Variants in NCAM2 observed in about 807,000 individuals in gnomAD.
The protein encoded by NCAM2 is N-CAM-2.
In NCAM2, 30 loss-of-function variants were observed where a neutral mutation model predicts 98.1. The observed-to-expected ratio is 0.31, with a 90% confidence interval of 0.23 to 0.41. The LOEUF (loss-of-function observed/expected upper bound fraction) is 0.41. NCAM2 is among the 10% of genes least tolerant of loss of function. The pLI is 1.00. For missense variants in NCAM2, 867 were observed against 1,005.8 expected, an observed-to-expected ratio of 0.86 and a Z score of 1.87; for synonymous variants, 368 against 342.4, an observed-to-expected ratio of 1.07 and a Z score of -0.83.
At chr21:21,158,482 G>C (rs527313077) in intron 1 of NCAM2, among the ~76,000 whole-genome samples, 2 of 151,940 alleles carry the variant, frequency 1.3e-5, no homozygotes, top group South Asian at 2.1e-4. Context: ...GTTGTGGCAC[G>C]TGCCTGTAGT....
At chr21:21,110,776 T>G (rs1270403879) in intron 1 of NCAM2, among the ~76,000 whole-genome samples, 1 of 152,004 alleles carries the variant, frequency 6.6e-6, no homozygotes, top group Admixed American at 6.5e-5. Flanking sequence ...GATATGTGAC[T>G]GAATTGGTTC....
At chr21:21,207,147 G>T (rs1159778055) in intron 1 of NCAM2, among the ~76,000 whole-genome samples, 2 of 152,110 alleles carry the variant, frequency 1.3e-5, no homozygotes, top group Non-Finnish European at 2.9e-5. Flanking sequence ...CAGTTATGTA[G>T]TCATAATTGT....
intron 9 of NCAM2, among the ~76,000 whole-genome samples, chr21:21,408,087 A>G (rs920964927): frequency 6.6e-6 from 1 of 152,192 alleles, no homozygotes; most frequent in Non-Finnish European, 1.5e-5. Flanking sequence ...CTGACCCCCA[A>G]ATGGACATCA....
intron 1 of NCAM2, among the ~76,000 whole-genome samples, chr21:21,068,458 A>ATTTT (rs566218063): frequency 3.3e-4 from 37 of 112,484 alleles, no homozygotes; most frequent in African/African-American, 1.2e-3. Context: ...ATGGTATTGC[A>ATTTT]TTTTTTTTTT....
intron 1 of NCAM2, among the ~76,000 whole-genome samples, chr21:21,267,445 T>G (rs2072326161): frequency 6.6e-6 from 1 of 152,188 alleles, no homozygotes; most frequent in African/African-American, 2.4e-5. Context: ...TTCTACAGCT[T>G]GTTGTACAAC....
intron 1 of NCAM2, among the ~76,000 whole-genome samples, chr21:21,157,730 T>G (rs2067658925): frequency 6.6e-6 from 1 of 152,168 alleles, no homozygotes; most frequent in African/African-American, 2.4e-5. Flanking sequence ...ACAGACATTT[T>G]TACTACACAG....
chr21:21,218,804 G>T (rs1412193739), intron 1 of NCAM2, among the ~76,000 whole-genome samples: 2 of 152,220 alleles, frequency 1.3e-5, no homozygotes, highest in African/African-American at 4.8e-5. Flanking sequence ...AGCACTTTGG[G>T]AGACCGAGGT....
intron 16 of NCAM2, among the ~76,000 whole-genome samples, chr21:21,531,447 C>T (rs1989688454): frequency 1.4e-5 from 2 of 144,888 alleles, no homozygotes; most frequent in African/African-American, 5.2e-5. Flanking sequence ...TAGTTTGGCA[C>T]TATTACCATC....
chr21:21,408,588 T>A (rs1471076585), intron 9 of NCAM2, among the ~76,000 whole-genome samples: 4 of 152,064 alleles, frequency 2.6e-5, no homozygotes, highest in Non-Finnish European at 5.9e-5. Context: ...ACCCTGAAAA[T>A]TATAATTTTA....
intron 1 of NCAM2, among the ~76,000 whole-genome samples, chr21:21,056,668 G>A (rs2146313578): frequency 6.6e-6 from 1 of 152,104 alleles, no homozygotes; most frequent in South Asian, 2.1e-4. Flanking sequence ...AAGTCAAACT[G>A]ATCTGAAAGA....
At chr21:21,276,897 T>C (rs2072748731) in intron 1 of NCAM2, among the ~76,000 whole-genome samples, 2 of 152,188 alleles carry the variant, frequency 1.3e-5, no homozygotes, top group African/African-American at 2.4e-5. Flanking sequence ...TTGTACTGAA[T>C]GAAAAATTAA....
intron 10 of NCAM2, among the ~76,000 whole-genome samples, chr21:21,415,020 A>T (rs777431201): frequency 6.6e-6 from 1 of 151,878 alleles, no homozygotes; most frequent in Non-Finnish European, 1.5e-5. Flanking sequence ...GGCTGTAAAC[A>T]GATGTTCTGT....
At chr21:21,053,916 G>A (rs1281408893) in intron 1 of NCAM2, among the ~76,000 whole-genome samples, 1 of 138,030 alleles carries the variant, frequency 7.2e-6, no homozygotes, top group Non-Finnish European at 1.6e-5. Flanking sequence ...GTACATACCT[G>A]TTCCTATAGG....
intron 1 of NCAM2, among the ~76,000 whole-genome samples, chr21:21,242,723 C>T (rs2071110741): frequency 6.6e-6 from 1 of 152,084 alleles, no homozygotes; most frequent in African/African-American, 2.4e-5. Context: ...TGTCTTTATC[C>T]ATCTATCTGA....
At chr21:21,437,809 G>A (rs865985002) in intron 12 of NCAM2, among the ~76,000 whole-genome samples, 12 of 151,898 alleles carry the variant, frequency 7.9e-5, no homozygotes, top group South Asian at 2.1e-4. Flanking sequence ...AAAGATTTTC[G>A]AAAATGATAT....
At chr21:21,489,214 C>G (rs1045594548) in intron 15 of NCAM2, among the ~76,000 whole-genome samples, 6 of 152,018 alleles carry the variant, frequency 3.9e-5, no homozygotes, top group Non-Finnish European at 7.4e-5. Context: ...AGGCTGGTCT[C>G]GAACTCCTGA....
chr21:21,514,584 T>G (rs556129654), intron 16 of NCAM2, among the ~76,000 whole-genome samples: 6 of 152,280 alleles, frequency 3.9e-5, no homozygotes, highest in African/African-American at 1.4e-4. Context: ...AATATTTGCC[T>G]ATCCTGAGGT....
chr21:21,480,455 C>G (rs1418483940), intron 15 of NCAM2, among the ~76,000 whole-genome samples: 1 of 149,526 alleles, frequency 6.7e-6, no homozygotes, highest in Non-Finnish European at 1.5e-5. Context: ...CAGGAATGAA[C>G]TTTCCAGGGA....
chr21:21,233,288 G>T (rs921744721), intron 1 of NCAM2, among the ~76,000 whole-genome samples: 3 of 151,528 alleles, frequency 2.0e-5, no homozygotes, highest in South Asian at 4.1e-4. Flanking sequence ...GCATTAAAAA[G>T]ATGTTCAACC....
Sources: gnomAD v4.1 joint callset for allele counts (sites outside exome capture counted in the v4.1 genomes callset) on GRCh38, gnomAD v4.1.1 for gene constraint, MANE v1.5 for transcripts, NCBI Gene and HGNC (gene_info 2026-07-23, HGNC 2026-07-21) for gene names.